Variants in GAPVD1 observed in about 807,000 individuals in gnomAD.
The protein encoded by GAPVD1 is GTPase activating protein and VPS9 domains 1.
GAPVD1 carries 35 observed loss-of-function variants against 155.5 expected under a neutral mutation model. The ratio of observed to expected loss-of-function variants is 0.23; its 90% confidence interval spans 0.17 to 0.30. The LOEUF (loss-of-function observed/expected upper bound fraction) is 0.30, where lower values mean the gene tolerates loss of function less well. GAPVD1 is among the 10% of genes least tolerant of loss of function. The pLI, the probability that GAPVD1 is intolerant of heterozygous loss-of-function variation, is 1.00. For missense variants in GAPVD1, 1,429 were observed against 1,775.7 expected (o/e 0.80, Z 3.51); for synonymous variants, 636 against 619.7 (o/e 1.03, Z -0.39).
At chr9:125,308,456 T>A (rs1247080496) in intron 8 of GAPVD1, 2 of 152,128 alleles carry the variant, frequency 1.3e-5, no homozygotes, top group Non-Finnish European at 2.9e-5. Context: ...ATAATAGTAT[T>A]TTCTATTATT....
chr9:125,345,799 T>A (rs976312342), intron 19 of GAPVD1: 1 of 152,150 alleles, frequency 6.6e-6, no homozygotes, highest in Non-Finnish European at 1.5e-5. Context: ...CAATAAATGT[T>A]AGCTGCTATT....
chr9:125,287,603 A>G (rs1470308973), intron 2 of GAPVD1, among the ~76,000 whole-genome samples: 1 of 152,200 alleles, frequency 6.6e-6, no homozygotes, highest in African/African-American at 2.4e-5. Flanking sequence ...GGAGGGGTGG[A>G]TTGAAGCAAG....
intron 2 of GAPVD1, among the ~76,000 whole-genome samples, chr9:125,283,660 G>A (rs1186217153): frequency 1.3e-5 from 2 of 151,940 alleles, no homozygotes; most frequent in African/African-American, 4.8e-5. Flanking sequence ...ACCACACCTG[G>A]CCTTACTTTG....
At chr9:125,262,274 G>C (rs1349626413) in intron 1 of GAPVD1, among the ~76,000 whole-genome samples, 6 of 152,208 alleles carry the variant, frequency 3.9e-5, no homozygotes, top group Non-Finnish European at 7.3e-5. Context: ...GGCCAGAGAC[G>C]AGAGGCCCGG....
At chr9:125,327,301 C>CA (rs1358422406) in intron 12 of GAPVD1, among the ~76,000 whole-genome samples, 1 of 151,810 alleles carries the variant, frequency 6.6e-6, no homozygotes, top group African/African-American at 2.4e-5. Context: ...TCTTGTAACC[C>CA]TCATCTTCAT....
chr9:125,309,300 A>G (rs1206550786), intron 8 of GAPVD1: 1 of 151,740 alleles, frequency 6.6e-6, no homozygotes, highest in Non-Finnish European at 1.5e-5. Context: ...AGAAAAAGCG[A>G]TTTTACACTT....
Position 125,302,084 on chromosome 9 carries a change from A to G in GAPVD1, c.287A>G (p.Tyr96Cys). Residue 96 changes from tyrosine (Y) to cysteine (C), a missense_variant, in exon 5 of 28, where the codon TAT becomes TGT. This residue lies in a region of GAPVD1 where 628 missense variants were observed against 733.4 expected (regional missense o/e 0.86). Transcript: ENST00000297933. Reference protein sequence around the residue: ...YKQLGFQETAYGEFLSRLREN... With the variant: ...YKQLGFQETACGEFLSRLREN... ...CAATTGGGATTTCAGGAGACTGCTTATGGAGAATTCTTGAGTCGATTGAGG... is the reference window on the plus strand; with the variant it reads ...CAATTGGGATTTCAGGAGACTGCTTGTGGAGAATTCTTGAGTCGATTGAGG... 1.2e-6 allele frequency: 2 copies of G among 1,612,972 alleles called. No homozygotes were observed. The highest frequency in any genetic ancestry group is 1.7e-6 in the Non-Finnish European group (2 of 1,179,714).
At chr9:125,305,697 ACT>A (rs1158446757) in intron 6 of GAPVD1, among the ~76,000 whole-genome samples, 1 of 151,290 alleles carries the variant, frequency 6.6e-6, no homozygotes, top group Non-Finnish European at 1.5e-5. Context: ...TCAGTGTCTC[ACT>A]CTGTTGCCCA....
intron 2 of GAPVD1, among the ~76,000 whole-genome samples, chr9:125,282,417 A>C (rs370754056): frequency 6.6e-6 from 1 of 151,046 alleles, no homozygotes; most frequent in Non-Finnish European, 1.5e-5. Context: ...GATTACAAGC[A>C]TGAGCCACCA....
intron 8 of GAPVD1, among the ~76,000 whole-genome samples, chr9:125,310,730 T>G (rs576220223): frequency 4.1e-4 from 61 of 150,154 alleles, no homozygotes; most frequent in South Asian, 1.5e-3. Context: ...TAGAGATGGG[T>G]TTTCTCCATG....
At chr9:125,327,300 C>A (rs775402685) in intron 12 of GAPVD1, among the ~76,000 whole-genome samples, 1 of 151,204 alleles carries the variant, frequency 6.6e-6, no homozygotes, top group Non-Finnish European at 1.5e-5. Flanking sequence ...GTCTTGTAAC[C>A]CTCATCTTCA....
At position 125,350,883 on chromosome 9, in the gene GAPVD1, C is replaced by A. The variant is rs755045749; in HGVS notation, c.3569+11C>A. On this transcript the variant is annotated intron_variant, in intron 23 of 27. Coordinates refer to ENST00000297933, the MANE Select transcript of GAPVD1 (RefSeq NM_001282680.3). ...TGCTGAGGACTACAGGTAATATACC[C>A]CACCTGTTCAGCTTTTAAACCTAGT... The A allele has an allele frequency of 1.3e-6, 2 of 1,588,516 alleles. No individual in the cohort carries two copies. Among genetic ancestry groups the A allele is most frequent in the Non-Finnish European group, 1.7e-6 (2 of 1,167,020 alleles).
chr9:125,336,829 T>C (rs1248032396), intron 15 of GAPVD1, 189 bp from the exon 16 acceptor site: 2 of 576,946 alleles, frequency 3.5e-6, no homozygotes, highest in East Asian at 2.9e-5. Flanking sequence ...AATCTGTGTA[T>C]GAAGATACTC....
At chr9:125,313,464 C>T (rs1411709926) in intron 9 of GAPVD1, among the ~76,000 whole-genome samples, 10 of 152,116 alleles carry the variant, frequency 6.6e-5, no homozygotes, top group Admixed American at 4.6e-4. Flanking sequence ...CCACCACGCT[C>T]GGCTAATTTT....
rs374403416 is a variant in GAPVD1, at chr9:125,359,454, G to A, written c.4006G>A (p.Val1336Ile). 2.5e-6 allele frequency: 4 copies of A among 1,597,438 alleles called. No individual in the cohort carries two copies. The highest frequency in any genetic ancestry group is 2.6e-6 in the Non-Finnish European group (3 of 1,165,464). ...TGAACATATCCAGAGATTGTCTAAA[G>A]TAGTGACTGCAAATCACAGAGCTCT... ...LHEHIQRLSK[V>I]VTANHRALQI... is the part of the protein sequence containing the mutation. The change falls in exon 26 of 28, where the codon GTA (valine) becomes ATA (isoleucine). Residue 1336 changes from valine to isoleucine, a missense_variant. Around this residue, in one of 4 missense-constraint regions of GAPVD1, gnomAD observed 102 missense variants for 196.5 expected, o/e 0.52. Transcript: ENST00000297933.
intron 9 of GAPVD1, among the ~76,000 whole-genome samples, chr9:125,315,008 C>T (rs951302849): frequency 2.0e-5 from 3 of 152,016 alleles, no homozygotes; most frequent in Admixed American, 6.6e-5. Context: ...AGGATAGTCT[C>T]GATCTCCTGA....
chr9:125,344,716 G>A (rs1848274407), intron 19 of GAPVD1, among the ~76,000 whole-genome samples: 1 of 151,726 alleles, frequency 6.6e-6, no homozygotes, highest in Admixed American at 6.6e-5. Context: ...GCCAAAGTGA[G>A]AGGATTGCTG....
intron 20 of GAPVD1, 110 bp downstream of exon 20, chr9:125,347,051 C>G: frequency 1.9e-6 from 2 of 1,057,810 alleles, no homozygotes; most frequent in East Asian, 2.6e-5. Flanking sequence ...AGTCAGTTTA[C>G]TACCTCAAAA....
intron 11 of GAPVD1, among the ~76,000 whole-genome samples, chr9:125,325,630 T>G (rs1051047673): frequency 3.9e-5 from 6 of 152,042 alleles, no homozygotes; most frequent in African/African-American, 1.4e-4. Flanking sequence ...TCCCAAGTCT[T>G]ACTTCTAAAA....
Sources: allele counts gnomAD v4.1 joint callset (sites outside exome capture counted in the v4.1 genomes callset), GRCh38; gene constraint gnomAD v4.1.1; regional missense constraint gnomAD v4.1.1; transcripts MANE v1.5; gene names NCBI Gene and HGNC (gene_info 2026-07-23, HGNC 2026-07-21).